The following FOXP2 variants were observed in gnomAD, a reference collection of about 807,000 sequenced individuals.
The protein encoded by FOXP2 is forkhead box protein P2.
A neutral mutation model predicts 115.8 loss-of-function variants in FOXP2; 12 were observed. The ratio of observed to expected loss-of-function variants is 0.10; its 90% CI spans 0.07 to 0.17. The LOEUF (loss-of-function observed/expected upper bound fraction) is 0.17, where lower values mean the gene tolerates loss of function less well. Among genes scored for constraint, FOXP2 ranks in the 10% least tolerant of loss-of-function variants. The pLI, the probability that FOXP2 is intolerant of heterozygous loss-of-function variation, is 1.00. For missense variants in FOXP2, 629 were observed against 843.5 expected, an observed-to-expected ratio of 0.75 and a Z score of 3.15; for synonymous variants, 328 against 297.7, an observed-to-expected ratio of 1.10 and a Z score of -1.05.
chr7:114,427,917 A>C (rs1216917218), intron 2 of FOXP2, among the ~76,000 whole-genome samples: 1 of 151,686 alleles, frequency 6.6e-6, no homozygotes, highest in African/African-American at 2.4e-5. Context: ...TTTCACAGAC[A>C]ATAAGTATTA....
intron 1 of FOXP2, among the ~76,000 whole-genome samples, chr7:114,273,616 A>T (rs1260819990): frequency 6.6e-6 from 1 of 151,898 alleles, no homozygotes; most frequent in African/African-American, 2.4e-5. Context: ...ACCCCCACAT[A>T]GTTTCTTGCT....
At chr7:114,607,939 G>A (rs187855076) in intron 3 of FOXP2, among the ~76,000 whole-genome samples, 15 of 152,266 alleles carry the variant, frequency 9.9e-5, no homozygotes, top group Non-Finnish European at 2.1e-4. Context: ...TTATACAGGT[G>A]GGGGAAGGAG....
chr7:114,536,851 G>C (rs2129278816), intron 3 of FOXP2, among the ~76,000 whole-genome samples: 1 of 151,530 alleles, frequency 6.6e-6, no homozygotes, highest in South Asian at 2.1e-4. Flanking sequence ...TATTGAATGA[G>C]ACTTATTCAC....
At position 114,348,871 on chromosome 7, in the gene FOXP2, G is replaced by A. The variant is rs116148093; in HGVS notation, c.-11+60762G>A. 5.4e-3 allele frequency among the ~76,000 whole-genome samples: 826 copies of A among 152,188 alleles called. 5 individuals are homozygous for A. The highest frequency in any genetic ancestry group is 0.019 in the African/African-American group (778 of 41,546). Reference sequence around the variant, plus strand: ...CCCAAGTCAGATCAGCCATCAGTGCGTGGGTATCAGCTTATGAGTATTCAA... The same window carrying A: ...CCCAAGTCAGATCAGCCATCAGTGCATGGGTATCAGCTTATGAGTATTCAA... On this transcript the variant is annotated intron_variant, in intron 2 of 17. Transcript: ENST00000634411.
intron 2 of FOXP2, among the ~76,000 whole-genome samples, chr7:114,462,277 GAAAAAAAAAAAA>G (rs766244858): frequency 0.048 from 1,002 of 20,834 alleles, 32 homozygotes; most frequent in African/African-American, 0.14. Context: ...GAGACTCCGT[GAAAAAAAAAAAA>G]AAAAAAAAAA....
intron 2 of FOXP2, among the ~76,000 whole-genome samples, chr7:114,486,299 T>TA (rs1354993858): frequency 6.6e-6 from 1 of 152,084 alleles, no homozygotes; most frequent in African/African-American, 2.4e-5. Flanking sequence ...CTCCTATTTA[T>TA]AAAATTATCA....
At chr7:114,376,259 G>T (rs1369484551) in intron 2 of FOXP2, among the ~76,000 whole-genome samples, 2 of 152,190 alleles carry the variant, frequency 1.3e-5, no homozygotes, top group East Asian at 3.8e-4. Context: ...AAGGCCATCT[G>T]AAAATTAAGG....
At chr7:114,373,813 T>C (rs546049910) in intron 2 of FOXP2, among the ~76,000 whole-genome samples, 7 of 152,382 alleles carry the variant, frequency 4.6e-5, no homozygotes, top group African/African-American at 1.4e-4. Flanking sequence ...ATAAGCAGTG[T>C]TCTATCCACA....
chr7:114,609,489 G>A (rs1403282037), intron 3 of FOXP2, among the ~76,000 whole-genome samples: 1 of 152,158 alleles, frequency 6.6e-6, no homozygotes, highest in Non-Finnish European at 1.5e-5. Context: ...ATTCTAAGAA[G>A]TGAAAGTTTT....
chr7:114,499,763 T>A (rs1005155215), intron 2 of FOXP2: 2 of 152,228 alleles, frequency 1.3e-5, no homozygotes, highest in African/African-American at 4.8e-5. Flanking sequence ...ATGGTCATTT[T>A]AAGTTTCTTT....
chr7:114,261,903 C>G (rs1410942954), intron 1 of FOXP2, among the ~76,000 whole-genome samples: 1 of 151,650 alleles, frequency 6.6e-6, no homozygotes, highest in Non-Finnish European at 1.5e-5. Flanking sequence ...TATAAAAATA[C>G]AAAAATTAGC....
chr7:114,427,882 T>C (rs1793929532), intron 2 of FOXP2, among the ~76,000 whole-genome samples: 2 of 151,780 alleles, frequency 1.3e-5, no homozygotes, highest in South Asian at 4.1e-4. Flanking sequence ...GAATGGTTTA[T>C]CTATTATTTT....
chr7:114,162,468 A>C (rs536368809), upstream of FOXP2, among the ~76,000 whole-genome samples: 28 of 152,146 alleles, frequency 1.8e-4, no homozygotes, highest in South Asian at 5.4e-3. Context: ...CATGTTCTTA[A>C]AATCATCTTT....
chr7:114,618,012 T>G (rs146867659), intron 3 of FOXP2, among the ~76,000 whole-genome samples: 237 of 152,296 alleles, frequency 1.6e-3, no homozygotes, highest in African/African-American at 4.1e-3. Context: ...CGTTTAACAT[T>G]CTTAATTCCT....
At chr7:114,135,810 T>C (rs1792022409) in intron 1 of FOXP2, among the ~76,000 whole-genome samples, 1 of 152,270 alleles carries the variant, frequency 6.6e-6, no homozygotes, top group South Asian at 2.1e-4. Context: ...GGATTTGCTG[T>C]GCCATTCCCC....
chr7:114,492,108 A>G (rs867364592), intron 2 of FOXP2, among the ~76,000 whole-genome samples: 12 of 152,188 alleles, frequency 7.9e-5, no homozygotes, highest in African/African-American at 2.7e-4. Context: ...TGGTCTATTC[A>G]GAGATTCAAC....
At chr7:114,183,340 G>T (rs1287591640) in intron 1 of FOXP2, among the ~76,000 whole-genome samples, 2 of 151,972 alleles carry the variant, frequency 1.3e-5, no homozygotes, top group African/African-American at 4.8e-5. Context: ...GCATAGAACT[G>T]CTGACTATTA....
At chr7:114,430,703 C>T (rs1398472575) in intron 2 of FOXP2, among the ~76,000 whole-genome samples, 1 of 151,844 alleles carries the variant, frequency 6.6e-6, no homozygotes, top group Non-Finnish European at 1.5e-5. Context: ...TCCTGTGAAG[C>T]TGATCTGTAC....
At chr7:114,676,479 T>C (rs1462999047) in intron 16 of FOXP2, among the ~76,000 whole-genome samples, 1 of 152,162 alleles carries the variant, frequency 6.6e-6, no homozygotes, top group Non-Finnish European at 1.5e-5. Context: ...ATAAAATCAG[T>C]TTCCATAATA....
Sources: allele counts gnomAD v4.1 joint callset (sites outside exome capture counted in the v4.1 genomes callset), GRCh38; gene constraint gnomAD v4.1.1; transcripts MANE v1.5; gene names NCBI Gene and HGNC (gene_info 2026-07-23, HGNC 2026-07-21).